Variants in SPIDR observed in about 807,000 individuals in gnomAD.
SPIDR encodes the protein DNA repair-scaffolding protein.
A neutral mutation model predicts 104.6 loss-of-function variants in SPIDR; 93 were observed. The observed-to-expected ratio is 0.89, with a 90% CI of 0.75 to 1.06. The LOEUF (loss-of-function observed/expected upper bound fraction) is 1.06, where lower values mean the gene tolerates loss of function less well. SPIDR is among the 50% of genes least tolerant of loss of function. SPIDR has a pLI of 0.00. For missense variants in SPIDR, 1,154 were observed against 1,111.2 expected (o/e 1.04, Z -0.55); for synonymous variants, 431 against 416.9 (o/e 1.03, Z -0.41).
intron 7 of SPIDR, among the ~76,000 whole-genome samples, chr8:47,439,693 G>A (rs2069024977): frequency 6.6e-6 from 1 of 152,160 alleles, no homozygotes; most frequent in African/African-American, 2.4e-5. Flanking sequence ...GGGGCAGGTG[G>A]CAGGATCTCC....
At chr8:47,659,618 GC>G (rs1258632129) in intron 10 of SPIDR, 2 of 6,376 alleles carry the variant, frequency 3.1e-4, no homozygotes, top group East Asian at 6.5e-3. Context: ...ATGCGTCCCC[GC>G]CCCCACCCCG....
rs1322512776 is a variant in SPIDR, at chr8:47,727,202, A to G, written c.2344A>G (p.Thr782Ala). The change falls in exon 17 of 20, where the codon ACT becomes GCT. Residue 782 changes from threonine (T) to alanine (A), a missense_variant and splice_region_variant. Thr to Ala is a moderately conservative substitution (Grantham distance 58). Coordinates refer to ENST00000297423, the MANE Select transcript of SPIDR (RefSeq NM_001080394.4). ...PVNSICSVQG[T>A]VVGVDESTAF... ...GGCTTTCCTTCTCTTGGGCCTAGGC[A>G]CTGTGGTTGGCGTGGACGAGAGCAC... 4 of 1,614,074 alleles carry G rather than the reference A, an allele frequency of 2.5e-6. No homozygotes were observed. In the South Asian group the frequency reaches 4.4e-5, roughly 18 times the overall value.
intron 6 of SPIDR, among the ~76,000 whole-genome samples, chr8:47,402,052 C>T (rs782467190): frequency 5.3e-5 from 8 of 152,202 alleles, no homozygotes; most frequent in Admixed American, 6.5e-5. Flanking sequence ...CACCACATCG[C>T]ACTTATTCCA....
intron 16 of SPIDR, among the ~76,000 whole-genome samples, chr8:47,726,659 C>T (rs1427485761): frequency 2.0e-5 from 3 of 152,344 alleles, no homozygotes; most frequent in Admixed American, 1.3e-4. Context: ...AGCCATGACC[C>T]TCTGGGATGC....
chr8:47,543,314 A>G (rs1376627569), intron 8 of SPIDR, among the ~76,000 whole-genome samples: 1 of 152,192 alleles, frequency 6.6e-6, no homozygotes, highest in African/African-American at 2.4e-5. Flanking sequence ...CAGTTTCTCC[A>G]TACCAGCATT....
intron 8 of SPIDR, among the ~76,000 whole-genome samples, chr8:47,520,086 T>C (rs1282539659): frequency 1.3e-5 from 2 of 152,238 alleles, no homozygotes; most frequent in African/African-American, 4.8e-5. Flanking sequence ...TGACTATAGA[T>C]AATATAGTTG....
chr8:47,497,743 G>A (rs1462131696), intron 8 of SPIDR, among the ~76,000 whole-genome samples: 1 of 152,132 alleles, frequency 6.6e-6, no homozygotes, highest in Admixed American at 6.6e-5. Flanking sequence ...TTCTACAAGG[G>A]TAAAGGGTTT....
intron 8 of SPIDR, among the ~76,000 whole-genome samples, chr8:47,515,387 T>C (rs2082967636): frequency 6.6e-6 from 1 of 152,220 alleles, no homozygotes; most frequent in African/African-American, 2.4e-5. Flanking sequence ...ATCTGCCTGA[T>C]AATTCTGTCT....
chr8:47,406,357 T>A (rs1554667277), intron 6 of SPIDR, among the ~76,000 whole-genome samples: 1 of 152,176 alleles, frequency 6.6e-6, no homozygotes, highest in East Asian at 1.9e-4. Context: ...GTGCCTCAGT[T>A]TGTCATCTAT....
chr8:47,508,648 A>G (rs906962173), intron 8 of SPIDR, among the ~76,000 whole-genome samples: 1 of 152,190 alleles, frequency 6.6e-6, no homozygotes, highest in South Asian at 2.1e-4. Context: ...TGCTCACTGC[A>G]TAGGTCAAGA....
At chr8:47,264,449 G>T (rs2033407575) in intron 1 of SPIDR, among the ~76,000 whole-genome samples, 1 of 151,970 alleles carries the variant, frequency 6.6e-6, no homozygotes, top group Admixed American at 6.6e-5. Context: ...TCAAAGGCTG[G>T]GGTATCTTAG....
At chr8:47,541,834 G>T in intron 8 of SPIDR, among the ~76,000 whole-genome samples, 1 of 152,168 alleles carries the variant, frequency 6.6e-6, no homozygotes, top group East Asian at 1.9e-4. Flanking sequence ...GGGAGGCTGA[G>T]GTGGGAGAAT....
chr8:47,612,082 T>G (rs185870722), intron 10 of SPIDR, among the ~76,000 whole-genome samples: 1 of 152,232 alleles, frequency 6.6e-6, no homozygotes, highest in Admixed American at 6.5e-5. Context: ...TGTCTACAGC[T>G]CCTAGAGGAG....
chr8:47,378,816 T>G (rs1005179687), intron 5 of SPIDR, among the ~76,000 whole-genome samples: 1 of 152,212 alleles, frequency 6.6e-6, no homozygotes, highest in Non-Finnish European at 1.5e-5. Context: ...GGAGCTAACC[T>G]TGGATCTTGA....
At chr8:47,700,244 T>A (rs1324723640) in intron 11 of SPIDR, among the ~76,000 whole-genome samples, 159 bp from the exon 12 acceptor site, 6 of 152,220 alleles carry the variant, frequency 3.9e-5, no homozygotes, top group Admixed American at 3.9e-4. Flanking sequence ...TCTGTCCATC[T>A]GTCTGTGTGC....
intron 14 of SPIDR, among the ~76,000 whole-genome samples, chr8:47,704,808 C>T (rs1206175055): frequency 1.3e-5 from 2 of 152,152 alleles, no homozygotes; most frequent in African/African-American, 2.4e-5. Flanking sequence ...CCCCAGTGTC[C>T]GGCTCAGGAG....
At chr8:47,499,780 C>A (rs533314148) in intron 8 of SPIDR, among the ~76,000 whole-genome samples, 5 of 151,938 alleles carry the variant, frequency 3.3e-5, no homozygotes, top group African/African-American at 1.2e-4. Flanking sequence ...TAATGCTATC[C>A]CTCCACCCTG....
chr8:47,422,861 C>G (rs1554682076), intron 7 of SPIDR, among the ~76,000 whole-genome samples: 1 of 152,158 alleles, frequency 6.6e-6, no homozygotes, highest in Non-Finnish European at 1.5e-5. Flanking sequence ...GAGTAGCTGA[C>G]TTTGCTGGGC....
chr8:47,596,216 T>G (rs934485700), intron 9 of SPIDR, among the ~76,000 whole-genome samples: 1 of 152,246 alleles, frequency 6.6e-6, no homozygotes, highest in Non-Finnish European at 1.5e-5. Flanking sequence ...GTATTTCATC[T>G]TTCTAATTAT....
Sources: allele counts gnomAD v4.1 joint callset (sites outside exome capture counted in the v4.1 genomes callset), GRCh38; gene constraint gnomAD v4.1.1; transcripts MANE v1.5; gene names NCBI Gene and HGNC (gene_info 2026-07-23, HGNC 2026-07-21).